KIF3B: variants seen among roughly 807,000 people sequenced by gnomAD.
KIF3B encodes the protein kinesin-like protein KIF3B.
KIF3B carries 38 observed loss-of-function variants against 74.3 expected under a neutral mutation model. The observed-to-expected ratio is 0.51, with a 90% CI of 0.39 to 0.67. The LOEUF is 0.67. Ranked by LOEUF, KIF3B falls within the 30% of genes least tolerant of loss-of-function variation. The pLI is 0.00. For missense variants in KIF3B, 649 were observed against 932.0 expected (o/e 0.70, Z 3.95); for synonymous variants, 326 against 342.5 (o/e 0.95, Z 0.53).
In KIF3B at chr20:32,292,596, A is replaced by G. The variant is rs1270084779; in HGVS notation, c.-66+14831A>G. Among the ~76,000 whole-genome samples the G allele has an allele frequency of 7.3e-5, 11 of 150,686 alleles. No homozygotes were observed. The East Asian group carries it at 2.1e-3, about 29-fold the overall frequency. On this transcript the variant is annotated intron_variant, in intron 1 of 8. Coordinates refer to ENST00000375712, the MANE Select transcript of KIF3B (RefSeq NM_004798.4). ...CTACTAAAAATAGAAAAAAAAAAAA[A>G]AAAAAAAAAAGAAAAGTCGGGTCCA...
chr20:32,299,403 A>ATTTTTTTT (rs11473044), intron 1 of KIF3B, among the ~76,000 whole-genome samples: 7 of 9,028 alleles, frequency 7.8e-4, no homozygotes, highest in African/African-American at 1.8e-3. Context: ...ATATATATAT[A>ATTTTTTTT]TTTTTTTTTT....
intron 1 of KIF3B, among the ~76,000 whole-genome samples, chr20:32,299,791 T>G (rs888897560): frequency 6.6e-6 from 1 of 152,092 alleles, no homozygotes; most frequent in East Asian, 1.9e-4. Context: ...TTCTAGATTT[T>G]TTTTGTTTGT....
chr20:32,319,576 G>GT lies in KIF3B; in HGVS notation c.1748+2707dup, dbSNP rs1231130100. Among the ~76,000 whole-genome samples the GT allele has an allele frequency of 7.1e-4, 70 of 98,326 alleles. 1 individual carries two copies. The highest frequency in any genetic ancestry group is 1.2e-3 in the African/African-American group (33 of 28,090). The allele number at this position is 98,326 out of a possible 152,430, so 64.5% of individuals were successfully genotyped here. ...TATATATATAGTTTTTTTTTGTTTTGTTTTTGTTTTTTTTTTTTTTTTTTT... is the reference window on the plus strand; with the variant it reads ...TATATATATAGTTTTTTTTTGTTTTGTTTTTTGTTTTTTTTTTTTTTTTTTT... On this transcript the variant is annotated intron_variant, in intron 5 of 8. Coordinates refer to ENST00000375712, the MANE Select transcript of KIF3B (RefSeq NM_004798.4).
intron 5 of KIF3B, among the ~76,000 whole-genome samples, chr20:32,323,166 TTATATTTATATATTTA>T (rs2047884411): frequency 8.8e-6 from 1 of 114,092 alleles, no homozygotes; most frequent in African/African-American, 3.3e-5. Context: ...ATTTATATAT[TTATATTTATATATTTA>T]TATATATTTA....
chr20:32,312,262 C>T (rs2047804938), intron 2 of KIF3B, among the ~76,000 whole-genome samples: 1 of 151,674 alleles, frequency 6.6e-6, no homozygotes. Context: ...GCAACTTTGC[C>T]TGGCTAAATT....
chr20:32,296,652 T>C (rs2047718752), intron 1 of KIF3B, among the ~76,000 whole-genome samples: 1 of 152,162 alleles, frequency 6.6e-6, no homozygotes, highest in African/African-American at 2.4e-5. Flanking sequence ...TTGGCCCTCA[T>C]CCACCTAGCT....
intron 5 of KIF3B, among the ~76,000 whole-genome samples, chr20:32,319,105 G>T (rs375286573): frequency 1.3e-5 from 2 of 151,404 alleles, no homozygotes; most frequent in Non-Finnish European, 2.9e-5. Context: ...GGACTATAGC[G>T]GCATGCCACC....
chr20:32,293,414 A>G (rs1384270384), intron 1 of KIF3B, among the ~76,000 whole-genome samples: 3 of 152,192 alleles, frequency 2.0e-5, no homozygotes, highest in Non-Finnish European at 1.5e-5. Context: ...CCTGGGGACC[A>G]GCCTGGGCAA....
intron 1 of KIF3B, among the ~76,000 whole-genome samples, chr20:32,292,669 G>T (rs376231310): frequency 1.3e-5 from 2 of 151,722 alleles, no homozygotes; most frequent in Admixed American, 1.3e-4. Flanking sequence ...GAGGTGGGAC[G>T]ATTGCTTGAG....
intron 8 of KIF3B, 78 bp from the exon 9 acceptor site, chr20:32,331,140 CTGAAA>C: frequency 9.5e-7 from 1 of 1,048,544 alleles, no homozygotes; most frequent in South Asian, 1.3e-5. Flanking sequence ...GAAGAATGGC[CTGAAA>C]TGAAATGTTA....
intron 5 of KIF3B, among the ~76,000 whole-genome samples, chr20:32,323,078 TTATATATATTTATATTTA>T (rs1600437649): frequency 1.0e-5 from 1 of 99,896 alleles, no homozygotes; most frequent in East Asian, 2.6e-4. Flanking sequence ...ATTTATATAT[TTATATATATTTATATTTA>T]TATATTTATA....
chr20:32,283,175 C>T (rs966433707), intron 1 of KIF3B, among the ~76,000 whole-genome samples: 3 of 151,934 alleles, frequency 2.0e-5, no homozygotes, highest in East Asian at 1.9e-4. Flanking sequence ...TGGCTGGGAC[C>T]GCAGGCATGT....
At chr20:32,300,837 ATTT>A (rs1303120493) in intron 1 of KIF3B, among the ~76,000 whole-genome samples, 2 of 130,762 alleles carry the variant, frequency 1.5e-5, no homozygotes, top group Non-Finnish European at 3.3e-5. Context: ...ATTGCTGAGG[ATTT>A]TGTTGTTGTT....
chr20:32,307,195 A>C (rs2047775835), intron 1 of KIF3B, among the ~76,000 whole-genome samples: 1 of 152,178 alleles, frequency 6.6e-6, no homozygotes. Flanking sequence ...TACGTTTGTT[A>C]TAAGCAACAG....
intron 1 of KIF3B, among the ~76,000 whole-genome samples, chr20:32,278,523 G>A (rs2047627042): frequency 6.6e-6 from 1 of 152,114 alleles, no homozygotes; most frequent in South Asian, 2.1e-4. Context: ...GTGTAGGTGT[G>A]TAGAGTGCCA....
In KIF3B at chr20:32,310,550, A is replaced by G; in HGVS notation, c.773A>G (p.Gln258Arg). 6.2e-7 allele frequency: 1 copy of G among 1,614,110 alleles called. No individual in the cohort carries two copies. The highest frequency in any genetic ancestry group is 8.5e-7 in the Non-Finnish European group (1 of 1,180,034). The change falls in exon 2 of 9, where the codon CAA becomes CGA. Residue 258 changes from glutamine to arginine, a missense_variant. Physicochemically the swap from Gln to Arg is conservative, Grantham distance 43. This residue lies in a region of KIF3B where 363 missense variants were observed against 592.8 expected (regional missense o/e 0.61). Transcript: ENST00000375712. The surrounding 1 kb of genome is among the most constrained non-coding windows in gnomAD (Gnocchi z 6.5). Reference protein sequence around the residue: ...GSERQAKTGAQGERLKEATKI... With the variant: ...GSERQAKTGARGERLKEATKI... ...GAACGGCAAGCCAAGACCGGCGCAC[A>G]AGGGGAGAGATTAAAAGAAGCTACC...
chr20:32,322,818 ATATTTATATG>A (rs1442944850), intron 5 of KIF3B, among the ~76,000 whole-genome samples: 6 of 68,926 alleles, frequency 8.7e-5, no homozygotes, highest in Non-Finnish European at 1.2e-4. Flanking sequence ...ATATTTATAT[ATATTTATATG>A]TATATTTTTA....
At chr20:32,279,431 C>T (rs953781513) in intron 1 of KIF3B, among the ~76,000 whole-genome samples, 2 of 151,660 alleles carry the variant, frequency 1.3e-5, no homozygotes, top group Non-Finnish European at 2.9e-5. Context: ...TAAATAGATA[C>T]CACCCAAAGT....
Position 32,310,441 on chromosome 20 carries a change from A to C in KIF3B, c.664A>C (p.Thr222Pro), listed in dbSNP as rs1246990928. Residue 222 changes from threonine (T) to proline (P), a missense_variant, in exon 2 of 9, where the codon ACT becomes CCT. Physicochemically the swap from Thr to Pro is conservative, Grantham distance 38. Transcript: ENST00000375712. The surrounding 1 kb of genome is among the most constrained non-coding windows in gnomAD (Gnocchi z 6.5). ...GCGTTCTCATGCAATTTTCGTTATC[A>C]CTATTGAGTGCAGCGAGGTGGGCCT... ...SSRSHAIFVI[T>P]IECSEVGLDG... is the part of the protein sequence containing the mutation. The C allele has an allele frequency of 6.2e-7, 1 of 1,614,162 alleles. No individual in the cohort carries two copies. Among genetic ancestry groups the C allele is most frequent in the Non-Finnish European group, 8.5e-7 (1 of 1,180,054 alleles).
Sources: gnomAD v4.1 joint callset for allele counts (sites outside exome capture counted in the v4.1 genomes callset) on GRCh38, gnomAD v4.1.1 for gene constraint, gnomAD v4.1.1 regional missense constraint, Gnocchi (gnomAD v3.1) non-coding constraint, MANE v1.5 for transcripts, NCBI Gene and HGNC (gene_info 2026-07-23, HGNC 2026-07-21) for gene names.